FRMPD2: variants seen among roughly 807,000 people sequenced by gnomAD.
FRMPD2 encodes the protein FERM and PDZ domain containing 2.
Under a neutral mutation model 140.1 loss-of-function variants are expected in FRMPD2, and 96 were observed. The observed-to-expected ratio is 0.69, with a 90% CI of 0.58 to 0.81. FRMPD2 has a LOEUF of 0.81. FRMPD2 is among the 40% of genes least tolerant of loss of function. FRMPD2 has a pLI of 0.00. For synonymous variants in FRMPD2, 449 were observed against 547.6 expected, an observed-to-expected ratio of 0.82 and a Z score of 2.52; for missense variants, 1,240 against 1,447.4, an observed-to-expected ratio of 0.86 and a Z score of 2.32.
At chr10:48,187,388 T>A in intron 16 of FRMPD2, 96 bp from the exon 17 acceptor site, 1 of 976,696 alleles carries the variant, frequency 1.0e-6, no homozygotes, top group Non-Finnish European at 1.6e-6. Flanking sequence ...TCTTGGCATT[T>A]CTGAGTATGG....
chr10:48,207,196 G>A (rs1333946512), intron 13 of FRMPD2, among the ~76,000 whole-genome samples: 1 of 148,270 alleles, frequency 6.7e-6, no homozygotes, highest in Non-Finnish European at 1.5e-5. Flanking sequence ...ACCTAAAACA[G>A]TACTTAGAAT....
intron 22 of FRMPD2, 79 bp from the exon 23 acceptor site, chr10:48,176,018 C>A (rs570650088): frequency 6.2e-6 from 4 of 647,338 alleles, no homozygotes; most frequent in South Asian, 1.9e-5. Flanking sequence ...CTAAGGGAAT[C>A]CCCACCTGCC....
In FRMPD2 at chr10:48,249,172, G is replaced by A. The variant is rs143330905; in HGVS notation, c.158C>T (p.Ser53Leu). The A allele has an allele frequency of 3.7e-5, 59 of 1,613,668 alleles. 1 individual carries two copies. The highest frequency in any genetic ancestry group is 3.3e-4 in the Middle Eastern group (2 of 6,052). Residue 53 changes from serine to leucine, a missense_variant, in exon 3 of 29, where the codon TCG becomes TTG. By Grantham distance (145) the Ser-to-Leu change is moderately radical. Around this residue, in one of 6 missense-constraint regions of FRMPD2, gnomAD observed 1,161 missense variants for 1,055.9 expected, o/e 1.10. Transcript: ENST00000374201. ...QLLEDLRNDS[S>L]DYVVCPWSAL... ...TGACCAGGGGCAAACCACATAGTCC[G>A]AGGAATCTGAAACCAAGCCAGTGAT...
rs185323807 is a variant in FRMPD2 at position 48,181,698 on chromosome 10, A to C, written c.2585-690T>G. Among the ~76,000 whole-genome samples the C allele has an allele frequency of 4.6e-5, 7 of 152,028 alleles. No individual in the cohort carries two copies. The East Asian group carries it at 1.4e-3, about 29-fold the overall frequency. ...AAACCTTGGGCAAGGTGCTTAACATAACTGAACCTAAATTTTCCTGTATCT... is the reference window on the plus strand; with the variant it reads ...AAACCTTGGGCAAGGTGCTTAACATCACTGAACCTAAATTTTCCTGTATCT... On this transcript the variant is annotated intron_variant, in intron 20 of 28. Transcript: ENST00000374201.
chr10:48,261,784 T>C (rs781765467), intron 1 of FRMPD2, among the ~76,000 whole-genome samples: 4 of 152,126 alleles, frequency 2.6e-5, no homozygotes, highest in Admixed American at 6.6e-5. Flanking sequence ...CTTGGGTGAT[T>C]ATGCCTTATA....
At chr10:48,212,625 C>G (rs1839355454) in intron 12 of FRMPD2, among the ~76,000 whole-genome samples, 1 of 152,072 alleles carries the variant, frequency 6.6e-6, no homozygotes, top group Admixed American at 6.5e-5. Flanking sequence ...ACTCCCAGAA[C>G]ATTGTCTCTT....
chr10:48,181,826 T>G (rs35888745), intron 20 of FRMPD2, among the ~76,000 whole-genome samples: 1 of 138,566 alleles, frequency 7.2e-6, no homozygotes, highest in Non-Finnish European at 1.6e-5. Context: ...GATAAAAATA[T>G]ATATGTATAT....
chr10:48,159,044 G>C, intron 28 of FRMPD2: 1 of 366,246 alleles, frequency 2.7e-6, no homozygotes, highest in Non-Finnish European at 5.3e-6. Flanking sequence ...GAAATATGAA[G>C]GTATTATAAT....
intron 13 of FRMPD2, among the ~76,000 whole-genome samples, chr10:48,210,670 C>T (rs921785296): frequency 2.0e-5 from 3 of 152,208 alleles, no homozygotes; most frequent in African/African-American, 4.8e-5. Flanking sequence ...GTGTGCAGCC[C>T]GGACTATGGA....
chr10:48,246,068 T>C (rs1301718534), intron 3 of FRMPD2, among the ~76,000 whole-genome samples: 2 of 152,178 alleles, frequency 1.3e-5, no homozygotes, highest in Non-Finnish European at 2.9e-5. Flanking sequence ...CGTGCATAGA[T>C]ACCATGCAAG....
At chr10:48,159,305 T>G in intron 28 of FRMPD2, 1 of 453,586 alleles carries the variant, frequency 2.2e-6, no homozygotes, top group South Asian at 1.6e-5. Flanking sequence ...AAATCTGAGC[T>G]GAAGTACAAT....
intron 12 of FRMPD2, among the ~76,000 whole-genome samples, chr10:48,217,384 G>T (rs1316774264): frequency 1.3e-5 from 2 of 152,168 alleles, no homozygotes; most frequent in Admixed American, 6.5e-5. Flanking sequence ...ACCCAGCAGG[G>T]TGAGGGAATA....
chr10:48,188,760 C>T (rs1838756210), intron 16 of FRMPD2, among the ~76,000 whole-genome samples: 1 of 152,192 alleles, frequency 6.6e-6, no homozygotes, highest in South Asian at 2.1e-4. Flanking sequence ...CTTTTCTGGG[C>T]CTGGGTTTTT....
chr10:48,209,618 G>A (rs1246212190), intron 13 of FRMPD2, among the ~76,000 whole-genome samples: 3 of 152,234 alleles, frequency 2.0e-5, no homozygotes, highest in Non-Finnish European at 4.4e-5. Context: ...GGGCACTGAG[G>A]ATCCACGGCC....
chr10:48,226,522 C>T (rs1314116966), intron 10 of FRMPD2, among the ~76,000 whole-genome samples: 3 of 152,222 alleles, frequency 2.0e-5, no homozygotes, highest in African/African-American at 4.8e-5. Context: ...GTTAAAGGCA[C>T]TTTTAAGCGC....
intron 1 of FRMPD2, among the ~76,000 whole-genome samples, chr10:48,258,880 A>T (rs955306569): frequency 6.6e-6 from 1 of 152,248 alleles, no homozygotes; most frequent in Non-Finnish European, 1.5e-5. Context: ...ACTATTTTAT[A>T]AAAATTATTG....
At chr10:48,191,724 C>T (rs1057283053) in intron 16 of FRMPD2, among the ~76,000 whole-genome samples, 1 of 152,134 alleles carries the variant, frequency 6.6e-6, no homozygotes, top group African/African-American at 2.4e-5. Flanking sequence ...CATATGCTGC[C>T]TGGGAATCTG....
intron 22 of FRMPD2, among the ~76,000 whole-genome samples, chr10:48,176,506 A>G (rs1477149081): frequency 6.6e-6 from 1 of 151,796 alleles, no homozygotes; most frequent in Non-Finnish European, 1.5e-5. Flanking sequence ...TTTAATTTGT[A>G]TTCCTGTGGC....
At chr10:48,239,755 G>A in intron 6 of FRMPD2, 63 bp from the exon 7 acceptor site, 4 of 1,163,230 alleles carry the variant, frequency 3.4e-6, no homozygotes, top group Non-Finnish European at 5.2e-6. Flanking sequence ...CTTAAATCAG[G>A]CATCTCAGAG....
Sources: allele counts gnomAD v4.1 joint callset (sites outside exome capture counted in the v4.1 genomes callset), GRCh38; gene constraint gnomAD v4.1.1; regional missense constraint gnomAD v4.1.1; transcripts MANE v1.5; gene names NCBI Gene and HGNC (gene_info 2026-07-23, HGNC 2026-07-21).